The following AP1B1 variants were observed in gnomAD, a reference collection of about 807,000 sequenced individuals.
AP1B1 encodes the protein AP-1 complex subunit beta-1.
In AP1B1, 36 loss-of-function variants were observed where a neutral mutation model predicts 104.3. That is an observed-to-expected ratio of 0.35 (90% CI 0.26 to 0.46). AP1B1 has a LOEUF of 0.46. Among genes scored for constraint, AP1B1 ranks in the 20% least tolerant of loss-of-function variants. The probability of loss-of-function intolerance (pLI) is 1.00; values close to 1 mark genes in which losing one functional copy is unlikely to be tolerated. For missense variants in AP1B1, 901 were observed against 1,247.9 expected, an observed-to-expected ratio of 0.72 and a Z score of 4.19; for synonymous variants, 504 against 517.5, an observed-to-expected ratio of 0.97 and a Z score of 0.35.
intron 16 of AP1B1, among the ~76,000 whole-genome samples, chr22:29,337,130 G>A (rs961924331): frequency 3.3e-5 from 5 of 152,234 alleles, no homozygotes; most frequent in Non-Finnish European, 7.3e-5. Context: ...CAGGTGCACA[G>A]GTGGTTCTCA....
At chr22:29,339,192 G>C in intron 15 of AP1B1, 59 bp from the exon 16 acceptor site, 1 of 1,603,660 alleles carries the variant, frequency 6.2e-7, no homozygotes, top group East Asian at 2.2e-5. Context: ...ATCAGGGTCT[G>C]GGAATGAGTA....
chr22:29,340,564 G>T, intron 14 of AP1B1, 92 bp downstream of exon 14: 1 of 1,288,422 alleles, frequency 7.8e-7, no homozygotes, highest in Non-Finnish European at 1.1e-6. Flanking sequence ...TGTACCTGAG[G>T]CACTCAGCTG....
intron 11 of AP1B1, among the ~76,000 whole-genome samples, chr22:29,344,997 A>T (rs1184464784): frequency 6.6e-6 from 1 of 152,192 alleles, no homozygotes; most frequent in Non-Finnish European, 1.5e-5. Context: ...CCTGGGCAAA[A>T]CATAGTGAGA....
rs374891079 is a variant in AP1B1 at position 29,329,729 on chromosome 22, C to T, written c.2767-9G>A. 5 of 1,613,540 alleles carry T rather than the reference C, an allele frequency of 3.1e-6. No homozygotes were observed. Among genetic ancestry groups the T allele is most frequent in the Middle Eastern group, 1.7e-4 (1 of 6,052 alleles). On this transcript the variant is annotated splice_polypyrimidine_tract_variant and intron_variant, in intron 21 of 22. Transcript: ENST00000357586. The stretch of plus-strand genomic sequence containing the variant: ...CTGCTAACCTCTAAGTCCTGCACCA[C>T]GGGAACCAGCAGGGAAGGTGACATG...
chr22:29,336,961 GC>G (rs1228592349), intron 16 of AP1B1, among the ~76,000 whole-genome samples: 1 of 152,240 alleles, frequency 6.6e-6, no homozygotes, highest in Non-Finnish European at 1.5e-5. Flanking sequence ...CCTTAGTCCT[GC>G]TTTGTATGCC....
At chr22:29,334,028 G>GC (rs1450819523) in intron 17 of AP1B1, among the ~76,000 whole-genome samples, 1 of 152,218 alleles carries the variant, frequency 6.6e-6, no homozygotes. Context: ...TGGCGCTGCT[G>GC]CACTCCAGCC....
chr22:29,350,812 AATG>A (rs1411510115), intron 9 of AP1B1, among the ~76,000 whole-genome samples: 1 of 152,208 alleles, frequency 6.6e-6, no homozygotes, highest in African/African-American at 2.4e-5. Flanking sequence ...TGGGCAGCTG[AATG>A]ATGACAATAT....
intron 1 of AP1B1, among the ~76,000 whole-genome samples, chr22:29,387,433 A>G (rs763170345): frequency 6.0e-5 from 9 of 148,972 alleles, no homozygotes; most frequent in Non-Finnish European, 8.9e-5. Context: ...TCAGCCTCCC[A>G]AGTAGCTGGG....
chr22:29,348,423 T>C (rs987516883), intron 11 of AP1B1, among the ~76,000 whole-genome samples: 4 of 152,210 alleles, frequency 2.6e-5, no homozygotes, highest in African/African-American at 9.6e-5. Flanking sequence ...TTGCCTAGTG[T>C]CCCCAAGCAC....
rs911996424 is a variant in AP1B1 at position 29,328,079 on chromosome 22, T to C, written c.*742A>G. On this transcript the variant is annotated 3_prime_UTR_variant, in exon 23 of 23. Transcript: ENST00000357586. This position sits in a 1 kb window ranked among gnomAD's most constrained non-coding sequence, Gnocchi z 4.1. The stretch of plus-strand genomic sequence containing the variant: ...GGCTCAGAGGCGACACTGAGGAATG[T>C]ATCACAGGCAGTGACCACCCTTGGG... 2 of 152,740 alleles carry C rather than the reference T, an allele frequency of 1.3e-5. No homozygotes were observed. Among genetic ancestry groups the C allele is most frequent in the Admixed American group, 1.3e-4 (2 of 15,278 alleles). 9.5% of individuals were successfully genotyped at this position (152,740 alleles called of 1,614,324 possible). A position where few individuals can be genotyped will look rare whatever the true frequency, so the allele number is the denominator to read the frequency against.
intron 2 of AP1B1, among the ~76,000 whole-genome samples, chr22:29,365,345 A>AC (rs1035451021): frequency 6.6e-6 from 1 of 151,790 alleles, no homozygotes; most frequent in Non-Finnish European, 1.5e-5. Flanking sequence ...AAAAACCCCA[A>AC]CCCCAAAATA....
rs570731 is a variant in AP1B1 at position 29,362,828 on chromosome 22, A to G, written c.143+173T>C. On this transcript the variant is annotated intron_variant, in intron 3 of 22. Coordinates refer to ENST00000357586, the MANE Select transcript of AP1B1 (RefSeq NM_001127.4). ...ACCTGACCTGTCAGTGTCTGGGCTC[A>G]TGATTCCTGTGTAAACAAAACCTTC... 0.38 allele frequency among the ~76,000 whole-genome samples: 58,273 copies of G among 151,604 alleles called. 12,292 individuals carry two copies. Among genetic ancestry groups the G allele is most frequent in the Admixed American group, 0.53 (8,024 of 15,228 alleles).
At position 29,342,309 on chromosome 22, in the gene AP1B1, C is replaced by G; in HGVS notation, c.1512G>C (p.Gln504His). The G allele has an allele frequency of 6.2e-7, 1 of 1,614,046 alleles. No homozygotes were observed. The highest frequency in any genetic ancestry group is 8.5e-7 in the Non-Finnish European group (1 of 1,179,952). ...KKPTETQELV[Q>H]QVLSLATQDS... Reference sequence around the variant, plus strand: ...CCTGAGTGGCCAAACTGAGGACCTGCTGCACCAGCTCCTGGGTCTCTGTTG... The same window carrying G: ...CCTGAGTGGCCAAACTGAGGACCTGGTGCACCAGCTCCTGGGTCTCTGTTG... The change falls in exon 12 of 23, where the codon CAG (glutamine) becomes CAC (histidine). Residue 504 changes from glutamine to histidine, a missense_variant. Physicochemically the swap from Gln to His is conservative, Grantham distance 24. This residue lies in a region of AP1B1 where 471 missense variants were observed against 696.7 expected (regional missense o/e 0.68). Transcript: ENST00000357586.
intron 1 of AP1B1, among the ~76,000 whole-genome samples, chr22:29,369,970 A>C (rs2062206615): frequency 6.6e-6 from 1 of 152,026 alleles, no homozygotes; most frequent in Admixed American, 6.6e-5. Flanking sequence ...CTTACAATAA[A>C]GATCTGCATG....
Position 29,340,819 on chromosome 22 carries a change from C to A in AP1B1, c.1835G>T (p.Gly612Val). 1.9e-6 allele frequency: 3 copies of A among 1,599,480 alleles called. No homozygotes were observed. Among genetic ancestry groups the A allele is most frequent in the Non-Finnish European group, 2.6e-6 (3 of 1,174,572 alleles). The stretch of plus-strand genomic sequence containing the variant: ...ATCTGGCTGCTCCCCAGGAGGTGCT[C>A]CAGTAGGGGCTGTCTCAGGGCTCTC... ...SAESPETAPT[G>V]APPGEQPDVI... Residue 612 changes from glycine to valine, a missense_variant, in exon 14 of 23, where the codon GGA becomes GTA. Physicochemically the swap from Gly to Val is moderately radical, Grantham distance 109. This residue lies in a region of AP1B1 where 424 missense variants were observed against 494.0 expected (regional missense o/e 0.86). Transcript: ENST00000357586.
chr22:29,342,427 T>G (rs547403154), intron 11 of AP1B1, 44 bp from the exon 12 acceptor site: 11 of 1,521,400 alleles, frequency 7.2e-6, no homozygotes, highest in Middle Eastern at 1.7e-4. Context: ...GGGCCTCACA[T>G]GGGGATAGAG....
chr22:29,329,495 C>A (rs1381263037), intron 22 of AP1B1: 7 of 1,402,312 alleles, frequency 5.0e-6, no homozygotes, highest in Non-Finnish European at 6.5e-6. Context: ...AGCAGCAGCC[C>A]ACGGGCCCTC....
chr22:29,355,482 T>C (rs1049269968), intron 6 of AP1B1, among the ~76,000 whole-genome samples: 4 of 152,018 alleles, frequency 2.6e-5, no homozygotes, highest in South Asian at 2.1e-4. Flanking sequence ...CAAACAAACA[T>C]GTTTTTTGTA....
intron 21 of AP1B1, 144 bp from the exon 22 acceptor site, chr22:29,329,864 A>G: frequency 1.3e-6 from 2 of 1,492,556 alleles, no homozygotes; most frequent in Non-Finnish European, 1.8e-6. Context: ...CTGGAGGGCC[A>G]TGCCTGCCAG....
Sources: gnomAD v4.1 joint callset for allele counts (sites outside exome capture counted in the v4.1 genomes callset) on GRCh38, gnomAD v4.1.1 for gene constraint, gnomAD v4.1.1 regional missense constraint, Gnocchi (gnomAD v3.1) non-coding constraint, MANE v1.5 for transcripts, NCBI Gene and HGNC (gene_info 2026-07-23, HGNC 2026-07-21) for gene names.